The following TMEM107 variants were observed in gnomAD, a reference collection of about 807,000 sequenced individuals.
TMEM107 encodes the protein transmembrane protein 107.
In TMEM107, 18 loss-of-function variants were observed where a neutral mutation model predicts 16.8. That is an observed-to-expected ratio of 1.07 (90% CI 0.74 to 1.59). The LOEUF is 1.59. TMEM107 is among the 40% of genes most tolerant of loss of function. TMEM107 has a pLI of 0.00. For synonymous variants in TMEM107, 68 were observed against 71.6 expected, an observed-to-expected ratio of 0.95 and a Z score of 0.25; for missense variants, 152 against 175.4, an observed-to-expected ratio of 0.87 and a Z score of 0.75.
At position 8,173,571 on chromosome 17, in the gene TMEM107, A is replaced by T. The variant is rs1476705853; in HGVS notation, c.*632T>A. On this transcript the variant is annotated 3_prime_UTR_variant, in exon 5 of 5. Coordinates refer to ENST00000437139, the MANE Select transcript of TMEM107 (RefSeq NM_183065.4). Reference sequence around the variant, plus strand: ...CCCTCCGGAGGAGGAACAGGTAAGGATTATCCCACCTGACGATACAGACAA... The same window carrying T: ...CCCTCCGGAGGAGGAACAGGTAAGGTTTATCCCACCTGACGATACAGACAA... 3.9e-6 allele frequency: 3 copies of T among 764,986 alleles called. No individual in the cohort carries two copies. Among genetic ancestry groups the T allele is most frequent in the East Asian group, 2.4e-5 (1 of 41,244 alleles). The allele number at this position is 764,986 out of a possible 1,614,324, so 47.4% of individuals were successfully genotyped here. A position where few individuals can be genotyped will look rare whatever the true frequency, so the allele number is the denominator to read the frequency against.
intron 3 of TMEM107, chr17:8,175,312 C>G (rs1461192184): frequency 1.5e-5 from 4 of 274,144 alleles, no homozygotes; most frequent in Non-Finnish European, 2.8e-5. Context: ...GGTGGTCCAC[C>G]TGCCTCGGCC....
In TMEM107 at chr17:8,173,492, A is replaced by G. The variant is rs748365395; in HGVS notation, c.*711T>C. ...AATCAGGGTGTTGCAAGTCCTGATT[A>G]CGCAGAGACGTTAATCACGTTTCAT... On this transcript the variant is annotated 3_prime_UTR_variant, in exon 5 of 5. Transcript: ENST00000437139. 2.2e-5 allele frequency: 17 copies of G among 765,216 alleles called. No homozygotes were observed. The highest frequency in any genetic ancestry group is 2.4e-4 in the Middle Eastern group (1 of 4,220). The allele number at this position is 765,216 out of a possible 1,614,324, so 47.4% of individuals were successfully genotyped here.
Position 8,174,057 on chromosome 17 carries a change from C to G in TMEM107, c.*146G>C. ...TAAATACAATGCGGATAATCCCAGACTCAAGACGTAATTATTCCAACACAT... is the reference window on the plus strand; with the variant it reads ...TAAATACAATGCGGATAATCCCAGAGTCAAGACGTAATTATTCCAACACAT... On this transcript the variant is annotated 3_prime_UTR_variant, in exon 5 of 5. Coordinates refer to ENST00000437139, the MANE Select transcript of TMEM107 (RefSeq NM_183065.4). The G allele has an allele frequency of 1.5e-6, 1 of 685,432 alleles. No individual in the cohort carries two copies. The highest frequency in any genetic ancestry group is 1.8e-5 in the African/African-American group (1 of 55,738). 42.5% of individuals were successfully genotyped at this position (685,432 alleles called of 1,614,324 possible).
rs1214431773 is a variant in TMEM107, at chr17:8,173,471, AG to A, written c.*731del. ...CAGAAAGAATCAGACAGGAGCAATC[AG>A]GGTGTTGCAAGTCCTGATTACGCAG... On this transcript the variant is annotated 3_prime_UTR_variant, in exon 5 of 5. Coordinates refer to ENST00000437139, the MANE Select transcript of TMEM107 (RefSeq NM_183065.4). 13 of 764,528 alleles carry A rather than the reference AG, an allele frequency of 1.7e-5. No homozygotes were observed. Among genetic ancestry groups the A allele is most frequent in the African/African-American group, 1.7e-4 (10 of 59,138 alleles). The allele number at this position is 764,528 out of a possible 1,614,324, so 47.4% of individuals were successfully genotyped here. A position where few individuals can be genotyped will look rare whatever the true frequency, so the allele number is the denominator to read the frequency against.
rs1983875711 is a variant in TMEM107 at position 8,173,657 on chromosome 17, C to T, written c.*546G>A. On this transcript the variant is annotated 3_prime_UTR_variant, in exon 5 of 5. Transcript: ENST00000437139. ...GTTACAAGCTAGGGTGAGTTCATAA[C>T]GCGCTGGTATGAGCAATCCTATTAT... 17 of 718,492 alleles carry T rather than the reference C, an allele frequency of 2.4e-5. No individual in the cohort carries two copies. The South Asian group carries it at 2.5e-4, about 10-fold the overall frequency. 44.5% of individuals were successfully genotyped at this position (718,492 alleles called of 1,614,324 possible). A position where few individuals can be genotyped will look rare whatever the true frequency, so the allele number is the denominator to read the frequency against.
At position 8,173,418 on chromosome 17, in the gene TMEM107, T is replaced by A. The variant is rs755373417; in HGVS notation, c.*785A>T. On this transcript the variant is annotated 3_prime_UTR_variant, in exon 5 of 5. Transcript: ENST00000437139. ...AGCTATGTTTGTGGATATCTGCTAA[T>A]CAGCATAACACAAATGTAAGTGATC... 9.4e-6 allele frequency: 7 copies of A among 747,184 alleles called. No homozygotes were observed. Among genetic ancestry groups the A allele is most frequent in the Middle Eastern group, 3.4e-4 (1 of 2,936 alleles). 46.3% of individuals were successfully genotyped at this position (747,184 alleles called of 1,614,324 possible).
rs545394298 is a variant in TMEM107 at position 8,173,569 on chromosome 17, G to A, written c.*634C>T. 4.1e-5 allele frequency: 31 copies of A among 764,750 alleles called. No homozygotes were observed. The highest frequency in any genetic ancestry group is 5.5e-5 in the Non-Finnish European group (23 of 417,738). 47.4% of individuals were successfully genotyped at this position (764,750 alleles called of 1,614,324 possible). A position where few individuals can be genotyped will look rare whatever the true frequency, so the allele number is the denominator to read the frequency against. On this transcript the variant is annotated 3_prime_UTR_variant, in exon 5 of 5. Coordinates refer to ENST00000437139, the MANE Select transcript of TMEM107 (RefSeq NM_183065.4). ...TGCCCTCCGGAGGAGGAACAGGTAAGGATTATCCCACCTGACGATACAGAC... is the reference window on the plus strand; with the variant it reads ...TGCCCTCCGGAGGAGGAACAGGTAAAGATTATCCCACCTGACGATACAGAC...
At chr17:8,175,355 T>TC (rs1466220661) in intron 3 of TMEM107, 2 of 354,710 alleles carry the variant, frequency 5.6e-6, no homozygotes, top group Non-Finnish European at 1.1e-5. Context: ...GCGTGAGCCA[T>TC]CGCGCCCTGC....
chr17:8,174,392 T>A, intron 4 of TMEM107, 120 bp from the exon 5 acceptor site: 4 of 1,316,720 alleles, frequency 3.0e-6, no homozygotes, highest in Non-Finnish European at 4.4e-6. Flanking sequence ...GATGAAACTT[T>A]AAAAGCCTAC....
At position 8,173,269 on chromosome 17, in the gene TMEM107, G is replaced by A. The variant is rs576484772; in HGVS notation, c.*934C>T. The A allele has an allele frequency of 3.7e-5, 19 of 519,540 alleles. No homozygotes were observed. Among genetic ancestry groups the A allele is most frequent in the African/African-American group, 1.7e-4 (9 of 52,172 alleles). The allele number at this position is 519,540 out of a possible 1,614,324, so 32.2% of individuals were successfully genotyped here. On this transcript the variant is annotated 3_prime_UTR_variant, in exon 5 of 5. Coordinates refer to ENST00000437139, the MANE Select transcript of TMEM107 (RefSeq NM_183065.4). ...TATTTCACTGCCTAAATTCCAGAAA[G>A]CAACAAAAACCAAATCACAATTTTC...
At position 8,172,556 on chromosome 17, in the gene TMEM107, G is replaced by T. The variant is rs2075775544; in HGVS notation, c.*1647C>A. Among the ~76,000 whole-genome samples the T allele has an allele frequency of 6.6e-6, 1 of 151,838 alleles. No individual in the cohort carries two copies. The highest frequency in any genetic ancestry group is 2.1e-4 in the South Asian group (1 of 4,816). On this transcript the variant is annotated 3_prime_UTR_variant, in exon 5 of 5. Coordinates refer to ENST00000437139, the MANE Select transcript of TMEM107 (RefSeq NM_183065.4). Reference sequence around the variant, plus strand: ...AAGGGAGAAAAAAGTGCAAAAGAGGGGAGTGGGAGAAACGCGGTGGCTCAT... The same window carrying T: ...AAGGGAGAAAAAAGTGCAAAAGAGGTGAGTGGGAGAAACGCGGTGGCTCAT...
At position 8,173,989 on chromosome 17, in the gene TMEM107, T is replaced by A; in HGVS notation, c.*214A>T. On this transcript the variant is annotated 3_prime_UTR_variant, in exon 5 of 5. Coordinates refer to ENST00000437139, the MANE Select transcript of TMEM107 (RefSeq NM_183065.4). ...CTCAATTGTCCCCTAAAACTGTATA[T>A]AAGTCTTAATGTTACTACAAAACAT... 1 of 569,880 alleles carries A rather than the reference T, an allele frequency of 1.8e-6. No individual in the cohort carries two copies. The highest frequency in any genetic ancestry group is 2.2e-5 in the South Asian group (1 of 46,358). The allele number at this position is 569,880 out of a possible 1,614,324, so 35.3% of individuals were successfully genotyped here.
rs771935888 is a variant in TMEM107 at position 8,176,022 on chromosome 17, CTGT to C, written c.89_91del (p.Asp30_Ser31delinsGly). The C allele has an allele frequency of 6.2e-7, 1 of 1,614,198 alleles. No homozygotes were observed. Among genetic ancestry groups the C allele is most frequent in the Non-Finnish European group, 8.5e-7 (1 of 1,180,036 alleles). On this transcript the variant is annotated inframe_deletion and splice_region_variant, in exon 2 of 5. Coordinates refer to ENST00000437139, the MANE Select transcript of TMEM107 (RefSeq NM_183065.4). The stretch of plus-strand genomic sequence containing the variant: ...GAGAGGCAGGCAGGCCTGTATGTTG[CTGT>C]CCTGGGAGCAGGGCACAGGAAGAGA...
rs140094432 is a variant in TMEM107, at chr17:8,175,272, G to A, written c.256+485C>T. 6.9e-3 allele frequency: 1,632 copies of A among 236,584 alleles called. 37 individuals carry two copies. Among genetic ancestry groups the A allele is most frequent in the African/African-American group, 0.034 (1,502 of 44,064 alleles). The allele number at this position is 236,584 out of a possible 1,614,324, so 14.7% of individuals were successfully genotyped here. ...GTAGAGACGGGGGTTTCACCATGTT[G>A]GTCAGGCCGGTCTCGAACTCCTGAC... On this transcript the variant is annotated intron_variant, in intron 3 of 4. Coordinates refer to ENST00000437139, the MANE Select transcript of TMEM107 (RefSeq NM_183065.4).
Position 8,173,447 on chromosome 17 carries a change from A to T in TMEM107, c.*756T>A. 2.6e-6 allele frequency: 2 copies of T among 762,290 alleles called. No individual in the cohort carries two copies. The highest frequency in any genetic ancestry group is 4.8e-6 in the Non-Finnish European group (2 of 416,690). The allele number at this position is 762,290 out of a possible 1,614,324, so 47.2% of individuals were successfully genotyped here. On this transcript the variant is annotated 3_prime_UTR_variant, in exon 5 of 5. Transcript: ENST00000437139. ...CATAACACAAATGTAAGTGATCGTC[A>T]GAAAGAATCAGACAGGAGCAATCAG...
In TMEM107 at chr17:8,174,053, C is replaced by G. The variant is rs886972744; in HGVS notation, c.*150G>C. 7.4e-6 allele frequency: 5 copies of G among 672,296 alleles called. No individual in the cohort carries two copies. Among genetic ancestry groups the G allele is most frequent in the African/African-American group, 3.6e-5 (2 of 55,218 alleles). 41.6% of individuals were successfully genotyped at this position (672,296 alleles called of 1,614,324 possible). A position where few individuals can be genotyped will look rare whatever the true frequency, so the allele number is the denominator to read the frequency against. ...GCACTAAATACAATGCGGATAATCC[C>G]AGACTCAAGACGTAATTATTCCAAC... On this transcript the variant is annotated 3_prime_UTR_variant, in exon 5 of 5. Coordinates refer to ENST00000437139, the MANE Select transcript of TMEM107 (RefSeq NM_183065.4).
In TMEM107 at chr17:8,173,535, G is replaced by GT; in HGVS notation, c.*667dup. ...CGTTTCATGCATCTCCAATCATCAT[G>GT]TTCTAATCTGCCCTCCGGAGGAGGA... On this transcript the variant is annotated 3_prime_UTR_variant, in exon 5 of 5. Transcript: ENST00000437139. The GT allele has an allele frequency of 1.3e-6, 1 of 765,404 alleles. No individual in the cohort carries two copies. Among genetic ancestry groups the GT allele is most frequent in the East Asian group, 2.4e-5 (1 of 41,252 alleles). 47.4% of individuals were successfully genotyped at this position (765,404 alleles called of 1,614,324 possible). A position where few individuals can be genotyped will look rare whatever the true frequency, so the allele number is the denominator to read the frequency against.
rs752154122 is a variant in TMEM107, at chr17:8,173,609, C to CA, written c.*593_*594insT. 1 of 757,170 alleles carries CA rather than the reference C, an allele frequency of 1.3e-6. No individual in the cohort carries two copies. The highest frequency in any genetic ancestry group is 2.4e-6 in the Non-Finnish European group (1 of 412,168). 46.9% of individuals were successfully genotyped at this position (757,170 alleles called of 1,614,324 possible). A position where few individuals can be genotyped will look rare whatever the true frequency, so the allele number is the denominator to read the frequency against. ...ACGATACAGACAAACAGCCGACATT[C>CA]TGCACTCAGTGAAAAAGATTCCGTT... On this transcript the variant is annotated 3_prime_UTR_variant, in exon 5 of 5. Coordinates refer to ENST00000437139, the MANE Select transcript of TMEM107 (RefSeq NM_183065.4).
chr17:8,175,446 T>C (rs1324234045), intron 3 of TMEM107: 2 of 580,742 alleles, frequency 3.4e-6, no homozygotes, highest in Non-Finnish European at 6.1e-6. Flanking sequence ...CTCCTCCTCA[T>C]TGTAAAAAGA....
Sources: gnomAD v4.1 joint callset for allele counts (sites outside exome capture counted in the v4.1 genomes callset) on GRCh38, gnomAD v4.1.1 for gene constraint, MANE v1.5 for transcripts, NCBI Gene and HGNC (gene_info 2026-07-23, HGNC 2026-07-21) for gene names.